LRBA: variants seen among roughly 807,000 people sequenced by gnomAD.
LRBA encodes lipopolysaccharide-responsive and beige-like anchor protein.
A neutral mutation model predicts 330.0 loss-of-function variants in LRBA; 176 were observed. That is an observed-to-expected ratio of 0.53 (90% CI 0.47 to 0.60). LRBA has a LOEUF of 0.60. LRBA is among the 20% of genes least tolerant of loss of function. The probability of loss-of-function intolerance (pLI) is 0.00; values close to 1 mark genes in which losing one functional copy is unlikely to be tolerated. For synonymous variants in LRBA, 1,230 were observed against 1,193.0 expected (o/e 1.03, Z -0.64); for missense variants, 3,259 against 3,444.8 (o/e 0.95, Z 1.35).
intron 37 of LRBA, among the ~76,000 whole-genome samples, chr4:150,661,469 C>CAAAA (rs563120801): frequency 1.5e-5 from 1 of 65,000 alleles, no homozygotes; most frequent in Admixed American, 1.7e-4. Flanking sequence ...GACTCTGTCT[C>CAAAA]AAAAAAAAAA....
intron 37 of LRBA, among the ~76,000 whole-genome samples, chr4:150,661,418 C>T (rs1371040065): frequency 1.4e-5 from 2 of 145,324 alleles, no homozygotes; most frequent in African/African-American, 5.2e-5. Context: ...TGCTGTGAGC[C>T]GAGATCGTGC....
chr4:150,673,169 G>A (rs1782219001), intron 37 of LRBA, among the ~76,000 whole-genome samples: 1 of 152,126 alleles, frequency 6.6e-6, no homozygotes, highest in South Asian at 2.1e-4. Flanking sequence ...CTACAGTGTT[G>A]AAAATCTCTA....
Position 150,849,581 on chromosome 4 carries a change from CA to C in LRBA, c.4005-7del, listed in dbSNP as rs761932186. 3.1e-6 allele frequency: 5 copies of C among 1,607,314 alleles called. No homozygotes were observed. Among genetic ancestry groups the C allele is most frequent in the Non-Finnish European group, 4.3e-6 (5 of 1,174,856 alleles). On this transcript the variant is annotated splice_region_variant and splice_polypyrimidine_tract_variant and intron_variant, in intron 24 of 56. Transcript: ENST00000651943. ...TAACTGTCTTTGTTGAATGGCTGTCCAAAGATAAATGATATTTACTGATAAA... is the reference window on the plus strand; with the variant it reads ...TAACTGTCTTTGTTGAATGGCTGTCCAAGATAAATGATATTTACTGATAAA...
chr4:150,488,620 C>A (rs1758176235), intron 41 of LRBA, among the ~76,000 whole-genome samples: 1 of 151,114 alleles, frequency 6.6e-6, no homozygotes, highest in Non-Finnish European at 1.5e-5. Context: ...ATCATACAAT[C>A]TTGAGAGAGT....
intron 29 of LRBA, among the ~76,000 whole-genome samples, chr4:150,829,515 C>T (rs1746840178): frequency 6.6e-6 from 1 of 152,210 alleles, no homozygotes; most frequent in Non-Finnish European, 1.5e-5. Flanking sequence ...CACATAACAG[C>T]AACAGCTGAT....
rs769386027 is a variant in LRBA at position 150,852,316 on chromosome 4, T to A, written c.3394A>T (p.Asn1132Tyr). 1.1e-4 allele frequency: 174 copies of A among 1,613,948 alleles called. No homozygotes were observed. The highest frequency in any genetic ancestry group is 1.4e-4 in the Non-Finnish European group (169 of 1,180,026). The stretch of plus-strand genomic sequence containing the variant: ...TCAGATGCAGCTGGAGACAAACTGT[T>A]ATCTTGGAGCTCTGTGGGTAGATTA... ...EANLPTELQDNSLSPAASEAG... is the reference protein window; with the variant it reads ...EANLPTELQDYSLSPAASEAG... Residue 1132 changes from asparagine to tyrosine, a missense_variant, in exon 23 of 57, where the codon AAC becomes TAC. Asn to Tyr is a moderately radical substitution (Grantham distance 143). Transcript: ENST00000651943.
chr4:150,936,156 C>T (rs996333213), intron 2 of LRBA, among the ~76,000 whole-genome samples: 1 of 151,838 alleles, frequency 6.6e-6, no homozygotes, highest in Non-Finnish European at 1.5e-5. Context: ...TAAACAGATA[C>T]TTTCATACAC....
intron 47 of LRBA, among the ~76,000 whole-genome samples, chr4:150,402,128 A>G (rs1745565026): frequency 6.9e-6 from 1 of 144,878 alleles, no homozygotes; most frequent in Non-Finnish European, 1.5e-5. Flanking sequence ...ATCTCTACTA[A>G]AAAAAAAAAA....
chr4:150,943,115 G>C (rs1735860903), intron 2 of LRBA, among the ~76,000 whole-genome samples: 1 of 152,210 alleles, frequency 6.6e-6, no homozygotes, highest in South Asian at 2.1e-4. Context: ...AAGAAAAAAG[G>C]TTCCATGATC....
chr4:150,875,192 G>A (rs1284855435), intron 17 of LRBA, among the ~76,000 whole-genome samples: 4 of 152,176 alleles, frequency 2.6e-5, no homozygotes, highest in Non-Finnish European at 4.4e-5. Context: ...CCTATCTCCA[G>A]GGATTCAAAA....
At chr4:150,790,531 C>G (rs1326778628) in intron 34 of LRBA, among the ~76,000 whole-genome samples, 2 of 152,102 alleles carry the variant, frequency 1.3e-5, no homozygotes, top group South Asian at 4.1e-4. Flanking sequence ...ACAAATGTTT[C>G]CACCTTATAA....
chr4:150,410,173 G>A (rs1746771944), intron 47 of LRBA, among the ~76,000 whole-genome samples: 1 of 152,072 alleles, frequency 6.6e-6, no homozygotes, highest in Non-Finnish European at 1.5e-5. Context: ...GGGCATGACA[G>A]TCTGTCTCTA....
chr4:150,484,151 C>T (rs926656063), intron 42 of LRBA, among the ~76,000 whole-genome samples: 4 of 152,030 alleles, frequency 2.6e-5, no homozygotes, highest in Admixed American at 2.0e-4. Flanking sequence ...TCTTGAAAGG[C>T]CTTTGTATGC....
At chr4:150,645,044 T>C (rs780357008) in intron 37 of LRBA, among the ~76,000 whole-genome samples, 1 of 151,540 alleles carries the variant, frequency 6.6e-6, no homozygotes, top group Non-Finnish European at 1.5e-5. Flanking sequence ...GTCATTTCCA[T>C]GCATTTTTCT....
intron 9 of LRBA, among the ~76,000 whole-genome samples, chr4:150,910,885 G>A (rs1731916110): frequency 6.6e-6 from 1 of 151,996 alleles, no homozygotes; most frequent in South Asian, 2.1e-4. Context: ...GTGGAGTCAG[G>A]GTACAGCTCT....
intron 44 of LRBA, among the ~76,000 whole-genome samples, chr4:150,465,212 GT>G (rs1436238387): frequency 2.6e-5 from 4 of 152,018 alleles, no homozygotes; most frequent in Non-Finnish European, 5.9e-5. Flanking sequence ...GGTTATTCAT[GT>G]TGTAGCATAT....
intron 36 of LRBA, among the ~76,000 whole-genome samples, chr4:150,720,682 A>C (rs886238113): frequency 6.6e-6 from 1 of 152,180 alleles, no homozygotes; most frequent in East Asian, 1.9e-4. Context: ...TTCAAAGTAT[A>C]ATCTAAAAAA....
intron 41 of LRBA, among the ~76,000 whole-genome samples, chr4:150,488,401 T>C (rs1317969709): frequency 1.3e-5 from 2 of 151,638 alleles, no homozygotes; most frequent in Admixed American, 6.6e-5. Context: ...CAAATGTTCA[T>C]ATAATCCAAA....
chr4:150,484,004 T>C (rs923086334), intron 42 of LRBA, among the ~76,000 whole-genome samples: 1 of 152,056 alleles, frequency 6.6e-6, no homozygotes, highest in African/African-American at 2.4e-5. Flanking sequence ...ACTCATTTAT[T>C]AGTTCTAACA....
Sources: allele counts gnomAD v4.1 joint callset (sites outside exome capture counted in the v4.1 genomes callset), GRCh38; gene constraint gnomAD v4.1.1; transcripts MANE v1.5; gene names NCBI Gene and HGNC (gene_info 2026-07-23, HGNC 2026-07-21).